ARID2: variants seen among roughly 807,000 people sequenced by gnomAD.
ARID2 encodes the protein AT-rich interaction domain 2.
Under a neutral mutation model 184.6 loss-of-function variants are expected in ARID2, and 32 were observed. The ratio of observed to expected loss-of-function variants is 0.17; its 90% CI spans 0.13 to 0.23. The LOEUF is 0.23. Ranked by LOEUF, ARID2 falls within the 10% of genes least tolerant of loss-of-function variation. ARID2 has a pLI of 1.00. For missense variants in ARID2, 1,696 were observed against 2,197.6 expected (o/e 0.77, Z 4.56); for synonymous variants, 836 against 772.6 (o/e 1.08, Z -1.36).
chr12:45,784,833 T>G (rs1028034262), intron 3 of ARID2, among the ~76,000 whole-genome samples: 2 of 152,224 alleles, frequency 1.3e-5, no homozygotes, highest in South Asian at 4.1e-4. Flanking sequence ...ACTCCTGCCT[T>G]TCTATAGAGA....
intron 3 of ARID2, among the ~76,000 whole-genome samples, chr12:45,806,277 A>G (rs1300217725): frequency 6.6e-6 from 1 of 152,026 alleles, no homozygotes; most frequent in African/African-American, 2.4e-5. Context: ...TGAAGCTTAA[A>G]TCTTTGATCA....
chr12:45,804,042 A>AT lies in ARID2; in HGVS notation c.285-7376_285-7375insT, dbSNP rs1565602411. Reference sequence around the variant, plus strand: ...GAGAGAGGAGACAGTGTCAATGCATAAATTAAATGTCTTTCCCTATTGGAG... The same window carrying AT: ...GAGAGAGGAGACAGTGTCAATGCATATAATTAAATGTCTTTCCCTATTGGAG... On this transcript the variant is annotated intron_variant, in intron 3 of 20. Coordinates refer to ENST00000334344, the MANE Select transcript of ARID2 (RefSeq NM_152641.4). Among the ~76,000 whole-genome samples the AT allele has an allele frequency of 1.2e-4, 19 of 152,272 alleles. 1 individual carries two copies. The highest frequency in any genetic ancestry group is 4.6e-4 in the African/African-American group (19 of 41,558).
Position 45,870,200 on chromosome 12 carries a change from G to A in ARID2, c.4922+9251G>A, listed in dbSNP as rs139507135. ...GAACGGGGCTTCACTGTGCTAGCCA[G>A]GATGGTCTCGATCTCCTGACTTCCT... On this transcript the variant is annotated intron_variant, in intron 16 of 20. Transcript: ENST00000334344. Among the ~76,000 whole-genome samples, 96 of 152,152 alleles carry A rather than the reference G, an allele frequency of 6.3e-4. 1 individual carries two copies. The highest frequency in any genetic ancestry group is 1.8e-3 in the Admixed American group (27 of 15,290).
At position 45,836,868 on chromosome 12, in the gene ARID2, G is replaced by A. The variant is rs2138127576; in HGVS notation, c.900G>A (p.Glu300=). The stretch of plus-strand genomic sequence containing the variant: ...TTTTGAGAAATCTTTCCTTTGAGGA[G>A]GGCAATGTTAAGCTCTTGGCAGCTA... ...AVILRNLSFE[E]GNVKLLAANR... Residue 300 remains glutamate, a synonymous_variant, in exon 8 of 21, where the codon GAG becomes GAA. Coordinates refer to ENST00000334344, the MANE Select transcript of ARID2 (RefSeq NM_152641.4). 6.2e-7 allele frequency: 1 copy of A among 1,614,120 alleles called. No homozygotes were observed. Among genetic ancestry groups the A allele is most frequent in the Non-Finnish European group, 8.5e-7 (1 of 1,180,010 alleles).
intron 3 of ARID2, among the ~76,000 whole-genome samples, chr12:45,751,366 CA>C (rs1196937124): frequency 2.6e-5 from 4 of 152,114 alleles, no homozygotes. Context: ...CAGAGGAAAG[CA>C]GTGGAGATGA....
intron 3 of ARID2, among the ~76,000 whole-genome samples, chr12:45,733,051 C>T (rs1038173910): frequency 1.3e-5 from 2 of 151,998 alleles, no homozygotes; most frequent in African/African-American, 4.8e-5. Context: ...GCTTTTTGCT[C>T]TTATTAGAAG....
In ARID2 at chr12:45,836,955, A is replaced by G; in HGVS notation, c.987A>G (p.Gln329=). ...SAHSHFISLR[Q]LGLDTLGNIA... is the part of the protein sequence containing the mutation. Reference sequence around the variant, plus strand: ...ATAGTCATTTTATTTCTTTAAGGCAATTAGGCCTTGACACATTAGGAAATA... The same window carrying G: ...ATAGTCATTTTATTTCTTTAAGGCAGTTAGGCCTTGACACATTAGGAAATA... The change falls in exon 8 of 21, where the codon CAA becomes CAG. Residue 329 remains glutamine, a synonymous_variant. Transcript: ENST00000334344. 6.2e-7 allele frequency: 1 copy of G among 1,613,966 alleles called. No individual in the cohort carries two copies. Among genetic ancestry groups the G allele is most frequent in the Non-Finnish European group, 8.5e-7 (1 of 1,179,960 alleles).
Position 45,837,324 on chromosome 12 carries a change from T to C in ARID2, c.1027T>C (p.Leu343=), listed in dbSNP as rs1943239566. ...DTLGNIAAEL[L]LDPVDFKTTH... ...ATAGTGTTGTTTCTTTTTCCAGCTTTTACTGGACCCTGTTGATTTCAAAAC... is the reference window on the plus strand; with the variant it reads ...ATAGTGTTGTTTCTTTTTCCAGCTTCTACTGGACCCTGTTGATTTCAAAAC... Residue 343 remains leucine (L), a synonymous_variant, in exon 9 of 21, where the codon TTA becomes CTA. Transcript: ENST00000334344. 6.2e-7 allele frequency: 1 copy of C among 1,604,176 alleles called. No individual in the cohort carries two copies. The highest frequency in any genetic ancestry group is 1.3e-5 in the African/African-American group (1 of 74,434).
chr12:45,832,209 C>T (rs949860026), intron 6 of ARID2, among the ~76,000 whole-genome samples: 2 of 152,140 alleles, frequency 1.3e-5, no homozygotes, highest in Non-Finnish European at 2.9e-5. Flanking sequence ...AGGGTTTTGT[C>T]TGAGCACTTT....
At chr12:45,868,805 T>G (rs1259273395) in intron 16 of ARID2, among the ~76,000 whole-genome samples, 1 of 152,210 alleles carries the variant, frequency 6.6e-6, no homozygotes, top group Non-Finnish European at 1.5e-5. Flanking sequence ...TGTTATCCCC[T>G]TGATCTCTGT....
intron 16 of ARID2, chr12:45,881,048 TGTA>T (rs1169465416): frequency 1.1e-5 from 2 of 177,416 alleles, no homozygotes; most frequent in Admixed American, 1.1e-4. Context: ...ATGGCCTAGT[TGTA>T]GTCCTGCTGC....
At chr12:45,864,260 A>G (rs868666958) in intron 16 of ARID2, among the ~76,000 whole-genome samples, 1 of 152,138 alleles carries the variant, frequency 6.6e-6, no homozygotes, top group African/African-American at 2.4e-5. Flanking sequence ...TCTAAAAGTT[A>G]GGGACCTCAC....
intron 16 of ARID2, among the ~76,000 whole-genome samples, chr12:45,877,233 A>C (rs1218006265): frequency 6.6e-6 from 1 of 152,156 alleles, no homozygotes; most frequent in Non-Finnish European, 1.5e-5. Context: ...AGTGCCAGGC[A>C]AAAAAGCAAA....
At chr12:45,821,627 T>C in intron 6 of ARID2, 140 bp downstream of exon 6, 1 of 428,238 alleles carries the variant, frequency 2.3e-6, no homozygotes. Context: ...ACACAACGAT[T>C]TTAAAGTTGT....
chr12:45,793,450 C>G (rs1462162360), intron 3 of ARID2, among the ~76,000 whole-genome samples: 1 of 151,630 alleles, frequency 6.6e-6, no homozygotes, highest in Non-Finnish European at 1.5e-5. Flanking sequence ...CTATCACTGT[C>G]TAATACTTGG....
At chr12:45,758,432 TTA>T (rs1267105196) in intron 3 of ARID2, among the ~76,000 whole-genome samples, 1 of 152,008 alleles carries the variant, frequency 6.6e-6, no homozygotes, top group African/African-American at 2.4e-5. Flanking sequence ...AGTGTTAGTT[TTA>T]TGTGTCGCCT....
chr12:45,798,928 ATATAAG>A lies in ARID2; in HGVS notation c.285-12484_285-12479del, dbSNP rs1428919100. ...ACTGTAATTATATTCTTATAATTAC[ATATAAG>A]TATAATTATATACTTATAATTAAGT... On this transcript the variant is annotated intron_variant, in intron 3 of 20. Coordinates refer to ENST00000334344, the MANE Select transcript of ARID2 (RefSeq NM_152641.4). Among the ~76,000 whole-genome samples, 19 of 151,746 alleles carry A rather than the reference ATATAAG, an allele frequency of 1.3e-4. No individual in the cohort carries two copies. In the East Asian group the frequency reaches 3.1e-3, roughly 25 times the overall value.
intron 15 of ARID2, among the ~76,000 whole-genome samples, chr12:45,854,514 C>G (rs1943610204): frequency 6.6e-6 from 1 of 152,160 alleles, no homozygotes; most frequent in South Asian, 2.1e-4. Context: ...TCCACTTAAA[C>G]ACAATTTTTT....
intron 16 of ARID2, among the ~76,000 whole-genome samples, chr12:45,889,837 C>A (rs972498762): frequency 6.6e-6 from 1 of 152,168 alleles, no homozygotes; most frequent in Non-Finnish European, 1.5e-5. Context: ...ACTTGGGAGG[C>A]TGAGGCAGGA....
Sources: allele counts gnomAD v4.1 joint callset (sites outside exome capture counted in the v4.1 genomes callset), GRCh38; gene constraint gnomAD v4.1.1; transcripts MANE v1.5; gene names NCBI Gene and HGNC (gene_info 2026-07-23, HGNC 2026-07-21).